Variants in UBAP2 observed in about 807,000 individuals in gnomAD.
The protein encoded by UBAP2 is ubiquitin associated protein 2.
A neutral mutation model predicts 139.6 loss-of-function variants in UBAP2; 75 were observed. That is an observed-to-expected ratio of 0.54 (90% CI 0.45 to 0.65). The LOEUF (loss-of-function observed/expected upper bound fraction) is 0.65, where lower values mean the gene tolerates loss of function less well. Ranked by LOEUF, UBAP2 falls within the 30% of genes least tolerant of loss-of-function variation. The pLI, the probability that UBAP2 is intolerant of heterozygous loss-of-function variation, is 0.00. For synonymous variants in UBAP2, 526 were observed against 526.2 expected (o/e 1.00, Z 0.01); for missense variants, 1,368 against 1,369.6 (o/e 1.00, Z 0.02).
At chr9:33,986,918 A>G in intron 5 of UBAP2, 81 bp from the exon 6 acceptor site, 1 of 1,225,082 alleles carries the variant, frequency 8.2e-7, no homozygotes, top group Non-Finnish European at 1.2e-6. Context: ...TATTAAAGGC[A>G]AAGAAGGAAT....
chr9:33,973,078 C>T, intron 7 of UBAP2, 105 bp downstream of exon 7: 2 of 973,746 alleles, frequency 2.1e-6, no homozygotes, highest in Non-Finnish European at 3.2e-6. Flanking sequence ...ATAGAAAACA[C>T]TAGATTCACC....
intron 1 of UBAP2, among the ~76,000 whole-genome samples, chr9:34,045,546 G>T (rs1827505032): frequency 6.6e-6 from 1 of 151,712 alleles, no homozygotes; most frequent in Admixed American, 6.6e-5. Context: ...GCTCATTTTT[G>T]TATTTTTAGT....
intron 6 of UBAP2, among the ~76,000 whole-genome samples, chr9:33,978,629 A>G (rs2131088011): frequency 6.6e-6 from 1 of 152,024 alleles, no homozygotes; most frequent in Middle Eastern, 3.4e-3. Context: ...AAATACAAAA[A>G]ATTAGCCCGA....
chr9:33,934,612 A>C (rs1056752976), intron 17 of UBAP2, among the ~76,000 whole-genome samples: 1 of 152,128 alleles, frequency 6.6e-6, no homozygotes, highest in Non-Finnish European at 1.5e-5. Flanking sequence ...ACCCCAAAAC[A>C]TACCGCCCTG....
At chr9:33,991,692 G>A (rs1188067430) in intron 4 of UBAP2, among the ~76,000 whole-genome samples, 1 of 152,072 alleles carries the variant, frequency 6.6e-6, no homozygotes, top group African/African-American at 2.4e-5. Flanking sequence ...AGAAAATAAT[G>A]CCCACACTGA....
rs1162210503 is a variant in UBAP2 at position 33,989,025 on chromosome 9, A to G, written c.390T>C (p.Arg130=). Residue 130 remains arginine (R), a synonymous_variant, in exon 5 of 29, where the codon CGT becomes CGC. Coordinates refer to ENST00000379238, the MANE Select transcript of UBAP2 (RefSeq NM_001370062.2). Reference sequence around the variant, plus strand: ...CTTTCCGGTTGTTGTTTCCACGTCCACGACTCGATTCTTTCTCGCTTTTCT... The same window carrying G: ...CTTTCCGGTTGTTGTTTCCACGTCCGCGACTCGATTCTTTCTCGCTTTTCT... The part of the protein sequence containing the change: ...REKKSEKESS[R]GRGNNNRKGR... The G allele has an allele frequency of 6.2e-7, 1 of 1,613,824 alleles. No homozygotes were observed. The highest frequency in any genetic ancestry group is 8.5e-7 in the Non-Finnish European group (1 of 1,179,954).
intron 6 of UBAP2, among the ~76,000 whole-genome samples, chr9:33,985,769 C>T (rs771034160): frequency 6.6e-6 from 1 of 151,978 alleles, no homozygotes; most frequent in Admixed American, 6.6e-5. Flanking sequence ...TGCCTGTAAT[C>T]CTACCGCTTT....
intron 2 of UBAP2, among the ~76,000 whole-genome samples, chr9:34,009,295 T>A (rs1258409706): frequency 6.6e-6 from 1 of 151,986 alleles, no homozygotes; most frequent in East Asian, 1.9e-4. Flanking sequence ...GATGGGGTTT[T>A]GTAATGTTGG....
chr9:33,933,280 C>T lies in UBAP2; in HGVS notation c.2108+210G>A, dbSNP rs372408518. Among the ~76,000 whole-genome samples the T allele has an allele frequency of 3.3e-5, 5 of 152,162 alleles. No homozygotes were observed. The South Asian group carries it at 8.3e-4, about 25-fold the overall frequency. ...TCCCAGGGGACCCAGTGCTCTGTGC[C>T]AGCAGAGGCGGTACAAGCAGGCAAG... On this transcript the variant is annotated intron_variant, in intron 18 of 28. Coordinates refer to ENST00000379238, the MANE Select transcript of UBAP2 (RefSeq NM_001370062.2).
intron 6 of UBAP2, among the ~76,000 whole-genome samples, chr9:33,977,200 G>A (rs1278036650): frequency 2.0e-5 from 3 of 151,256 alleles, no homozygotes; most frequent in African/African-American, 7.3e-5. Flanking sequence ...CACCACGCCT[G>A]GCTGATTTTT....
intron 1 of UBAP2, among the ~76,000 whole-genome samples, chr9:34,041,154 A>G (rs1031801293): frequency 4.6e-5 from 7 of 152,088 alleles, no homozygotes; most frequent in African/African-American, 1.7e-4. Context: ...ACCTCATACT[A>G]CTATAAGAAA....
intron 16 of UBAP2, among the ~76,000 whole-genome samples, chr9:33,938,022 G>C (rs914248283): frequency 1.3e-5 from 2 of 152,110 alleles, no homozygotes; most frequent in Non-Finnish European, 2.9e-5. Context: ...TTTTGAGACA[G>C]TGTCTGGCTC....
rs1375046018 is a variant in UBAP2 at position 33,922,676 on chromosome 9, A to C, written c.3264+11T>G. The C allele has an allele frequency of 6.4e-7, 1 of 1,569,454 alleles. No individual in the cohort carries two copies. Among genetic ancestry groups the C allele is most frequent in the East Asian group, 2.2e-5 (1 of 44,588 alleles). On this transcript the variant is annotated intron_variant, in intron 28 of 28. Coordinates refer to ENST00000379238, the MANE Select transcript of UBAP2 (RefSeq NM_001370062.2). ...CCAGAGTAGGGTGGCTGCCTCCATC[A>C]CTGTACTCACCTGTGCATCCTGCGG...
At chr9:33,960,719 G>A in intron 10 of UBAP2, 107 bp downstream of exon 10, 1 of 1,035,830 alleles carries the variant, frequency 9.7e-7, no homozygotes, top group East Asian at 2.5e-5. Flanking sequence ...GGCAGAGGTT[G>A]CAATGAGCCA....
At chr9:33,928,056 C>A (rs976487203) in intron 19 of UBAP2, 64 bp from the exon 20 acceptor site, 1 of 1,515,338 alleles carries the variant, frequency 6.6e-7, no homozygotes, top group East Asian at 2.3e-5. Context: ...TGGGGAGAGC[C>A]TGGCCTGGCG....
chr9:33,994,344 G>A (rs1253101589), intron 4 of UBAP2: 1 of 152,066 alleles, frequency 6.6e-6, no homozygotes, highest in Admixed American at 6.6e-5. Context: ...AATTAAATCT[G>A]CTGGAGCTAA....
intron 2 of UBAP2, among the ~76,000 whole-genome samples, chr9:34,001,566 G>A (rs906042227): frequency 5.3e-5 from 8 of 152,174 alleles, no homozygotes; most frequent in African/African-American, 9.7e-5. Context: ...CTGGGCAAGC[G>A]GTTTGTGCCC....
chr9:33,934,992 T>G (rs1824330256), intron 17 of UBAP2, among the ~76,000 whole-genome samples: 1 of 152,114 alleles, frequency 6.6e-6, no homozygotes, highest in Non-Finnish European at 1.5e-5. Context: ...ATATCCGCAC[T>G]CCCAGGAAAT....
intron 10 of UBAP2, among the ~76,000 whole-genome samples, chr9:33,959,569 G>C (rs1348662969): frequency 1.3e-5 from 2 of 151,970 alleles, no homozygotes; most frequent in African/African-American, 4.8e-5. Flanking sequence ...ATGGTATTGG[G>C]TTATTTATCC....
Sources: allele counts gnomAD v4.1 joint callset (sites outside exome capture counted in the v4.1 genomes callset), GRCh38; gene constraint gnomAD v4.1.1; transcripts MANE v1.5; gene names NCBI Gene and HGNC (gene_info 2026-07-23, HGNC 2026-07-21).